STX6: variants seen among roughly 807,000 people sequenced by gnomAD.
The protein encoded by STX6 is syntaxin-6.
In STX6, 23 loss-of-function variants were observed where a neutral mutation model predicts 38.0. The ratio of observed to expected loss-of-function variants is 0.60; its 90% CI spans 0.43 to 0.86. The LOEUF is 0.86. Ranked by LOEUF, STX6 falls within the 40% of genes least tolerant of loss-of-function variation. The pLI, the probability that STX6 is intolerant of heterozygous loss-of-function variation, is 0.00. For synonymous variants in STX6, 123 were observed against 107.5 expected (o/e 1.14, Z -0.89); for missense variants, 274 against 312.9 (o/e 0.88, Z 0.94).
At chr1:181,000,108 CT>C (rs1265629811) in intron 3 of STX6, among the ~76,000 whole-genome samples, 2 of 152,224 alleles carry the variant, frequency 1.3e-5, no homozygotes, top group African/African-American at 4.8e-5. Context: ...CTGGTAAATA[CT>C]AACAGCTTCC....
chr1:180,983,301 A>G (rs1487118834), intron 7 of STX6, among the ~76,000 whole-genome samples: 1 of 152,202 alleles, frequency 6.6e-6, no homozygotes, highest in African/African-American at 2.4e-5. Context: ...TAGGAAACCA[A>G]CAGAAGAAAA....
chr1:180,983,821 T>C (rs185412084), intron 7 of STX6, among the ~76,000 whole-genome samples: 1 of 151,898 alleles, frequency 6.6e-6, no homozygotes, highest in Non-Finnish European at 1.5e-5. Context: ...TCCCAGCACT[T>C]TGGGAGGCCG....
In STX6 at chr1:181,022,820, T is replaced by C. The variant is rs570776453; in HGVS notation, c.-147A>G. 1 of 726,740 alleles carries C rather than the reference T, an allele frequency of 1.4e-6. No homozygotes were observed. The highest frequency in any genetic ancestry group is 2.3e-6 in the Non-Finnish European group (1 of 441,322). The allele number at this position is 726,740 out of a possible 1,614,324, so 45.0% of individuals were successfully genotyped here. On this transcript the variant is annotated 5_prime_UTR_variant, in exon 1 of 8. Transcript: ENST00000258301. Reference sequence around the variant, plus strand: ...GCAGCGGGCACGCGCACAGGCCAGGTGCACAGGACGGCCGCTGGTCCAGCA... The same window carrying C: ...GCAGCGGGCACGCGCACAGGCCAGGCGCACAGGACGGCCGCTGGTCCAGCA...
At chr1:180,984,063 CA>C (rs10625558) in intron 7 of STX6, among the ~76,000 whole-genome samples, 78 of 7,158 alleles carry the variant, frequency 0.011, no homozygotes, top group South Asian at 0.062. Flanking sequence ...GGCTCCATCT[CA>C]AAAAAAAAAA....
At chr1:181,010,263 T>C (rs1296615270) in intron 1 of STX6, among the ~76,000 whole-genome samples, 1 of 152,080 alleles carries the variant, frequency 6.6e-6, no homozygotes, top group African/African-American at 2.4e-5. Context: ...TACTTGAGGG[T>C]CAAGATTTTA....
chr1:180,994,255 A>T (rs1484992312), intron 3 of STX6, among the ~76,000 whole-genome samples: 7 of 152,240 alleles, frequency 4.6e-5, no homozygotes, highest in Non-Finnish European at 1.0e-4. Flanking sequence ...AAAGTGTAAG[A>T]CTTTTAGAAA....
At chr1:181,002,764 A>C in intron 2 of STX6, 64 bp from the exon 3 acceptor site, 3 of 1,097,658 alleles carry the variant, frequency 2.7e-6, no homozygotes, top group Non-Finnish European at 4.2e-6. Flanking sequence ...CTGTTAACTC[A>C]CTGAATCTCT....
At chr1:180,990,227 G>A (rs1394003345) in intron 4 of STX6, 118 bp from the exon 5 acceptor site, 3 of 1,351,432 alleles carry the variant, frequency 2.2e-6, no homozygotes, top group African/African-American at 2.9e-5. Flanking sequence ...TTTCCCCTGG[G>A]CAAGGCTTTT....
chr1:181,012,949 C>T lies in STX6; in HGVS notation c.36-7486G>A, dbSNP rs541318314. Among the ~76,000 whole-genome samples the T allele has an allele frequency of 2.0e-5, 3 of 152,266 alleles. No individual in the cohort carries two copies. The East Asian group carries it at 5.8e-4, about 29-fold the overall frequency. ...TTGACCTCCCAAAGTATTGGTATTA[C>T]AGGCATGAGCCACCGCGCCCAGCCA... On this transcript the variant is annotated intron_variant, in intron 1 of 7. Coordinates refer to ENST00000258301, the MANE Select transcript of STX6 (RefSeq NM_005819.6).
At chr1:180,993,319 G>T in intron 4 of STX6, 44 bp downstream of exon 4, 3 of 1,103,982 alleles carry the variant, frequency 2.7e-6, no homozygotes, top group Non-Finnish European at 4.1e-6. Flanking sequence ...ATATCTAACT[G>T]TATGCTTTCT....
Position 180,976,374 on chromosome 1 carries a change from A to G in STX6, c.*196T>C, listed in dbSNP as rs1655248586. On this transcript the variant is annotated 3_prime_UTR_variant, in exon 8 of 8. Coordinates refer to ENST00000258301, the MANE Select transcript of STX6 (RefSeq NM_005819.6). ...GCTGCAGCCAGGAGTGCAGACATCT[A>G]TTTCCTCTTCCCACTGGCCCTTCCA... The G allele has an allele frequency of 3.5e-6, 2 of 575,604 alleles. No individual in the cohort carries two copies. Among genetic ancestry groups the G allele is most frequent in the South Asian group, 3.9e-5 (2 of 51,688 alleles). 35.7% of individuals were successfully genotyped at this position (575,604 alleles called of 1,614,324 possible).
chr1:181,001,769 A>AT (rs1246293453), intron 3 of STX6, among the ~76,000 whole-genome samples: 2 of 152,288 alleles, frequency 1.3e-5, no homozygotes, highest in Non-Finnish European at 2.9e-5. Context: ...AGTGAGAAAG[A>AT]TAACTAGCTT....
At position 180,973,549 on chromosome 1, in the gene STX6, G is replaced by A. The variant is rs926081644; in HGVS notation, c.*3021C>T. On this transcript the variant is annotated 3_prime_UTR_variant, in exon 8 of 8. Transcript: ENST00000258301. ...AAGTTGTTGGCTACCAGACCCATCA[G>A]TCTGTTTAACTCTGGCTAAAAGCAG... 4 of 152,660 alleles carry A rather than the reference G, an allele frequency of 2.6e-5. No homozygotes were observed. The highest frequency in any genetic ancestry group is 2.6e-4 in the Admixed American group (4 of 15,286). The allele number at this position is 152,660 out of a possible 1,614,324, so 9.5% of individuals were successfully genotyped here.
In STX6 at chr1:181,005,018, T is replaced by A. The variant is rs147448728; in HGVS notation, c.205+276A>T. 1.1e-4 allele frequency among the ~76,000 whole-genome samples: 16 copies of A among 151,124 alleles called. No homozygotes were observed. The East Asian group carries it at 3.1e-3, about 29-fold the overall frequency. The stretch of plus-strand genomic sequence containing the variant: ...GGAGGCAGGACTTGAACACCAGAAA[T>A]CTGACTCCAGGGTCCACAGTCATAA... On this transcript the variant is annotated intron_variant, in intron 2 of 7. Transcript: ENST00000258301.
chr1:180,992,711 AC>A (rs1211617145), intron 4 of STX6, among the ~76,000 whole-genome samples: 1 of 152,248 alleles, frequency 6.6e-6, no homozygotes, highest in African/African-American at 2.4e-5. Context: ...TGATCATTCT[AC>A]ATTTTTTAAA....
At chr1:181,011,823 T>C (rs1229796333) in intron 1 of STX6, among the ~76,000 whole-genome samples, 2 of 152,210 alleles carry the variant, frequency 1.3e-5, no homozygotes, top group Non-Finnish European at 2.9e-5. Context: ...TCTACACAAC[T>C]AGCCCGTGTG....
intron 3 of STX6, among the ~76,000 whole-genome samples, chr1:181,001,318 T>C (rs999263853): frequency 6.6e-6 from 1 of 152,234 alleles, no homozygotes; most frequent in Admixed American, 6.5e-5. Context: ...TTCTAGTACA[T>C]ATGTTAAAGA....
chr1:180,982,900 A>G (rs1655456434), intron 7 of STX6, among the ~76,000 whole-genome samples: 1 of 152,242 alleles, frequency 6.6e-6, no homozygotes, highest in South Asian at 2.1e-4. Flanking sequence ...CAGGCAATGA[A>G]GAGCCCGCTA....
At chr1:181,006,187 C>A (rs1035324895) in intron 1 of STX6, among the ~76,000 whole-genome samples, 6 of 152,048 alleles carry the variant, frequency 3.9e-5, no homozygotes, top group East Asian at 3.9e-4. Flanking sequence ...CTTAGCCTCC[C>A]GAGTAGCTGG....
Sources: allele counts gnomAD v4.1 joint callset (sites outside exome capture counted in the v4.1 genomes callset), GRCh38; gene constraint gnomAD v4.1.1; transcripts MANE v1.5; gene names NCBI Gene and HGNC (gene_info 2026-07-23, HGNC 2026-07-21).